GLIS3: variants seen among roughly 807,000 people sequenced by gnomAD.
GLIS3 encodes the protein GLIS family zinc finger 3, also known as zinc finger protein GLIS3.
Under a neutral mutation model 78.6 loss-of-function variants are expected in GLIS3, and 53 were observed. The observed-to-expected ratio is 0.67, with a 90% CI of 0.54 to 0.85. The LOEUF (loss-of-function observed/expected upper bound fraction) is 0.85, where lower values mean the gene tolerates loss of function less well. Ranked by LOEUF, GLIS3 falls within the 40% of genes least tolerant of loss-of-function variation. The probability of loss-of-function intolerance (pLI) is 0.00; values close to 1 mark genes in which losing one functional copy is unlikely to be tolerated. For synonymous variants in GLIS3, 684 were observed against 509.9 expected (o/e 1.34, Z -4.60); for missense variants, 1,703 against 1,231.1 (o/e 1.38, Z -5.74).
intron 2 of GLIS3, among the ~76,000 whole-genome samples, chr9:4,333,378 GAAGGGA>G (rs1283121516): frequency 1.3e-5 from 2 of 151,836 alleles, no homozygotes; most frequent in African/African-American, 2.4e-5. Context: ...GGGAAGAAAG[GAAGGGA>G]GAGAGGGAAA....
Position 4,328,995 on chromosome 9 carries a change from C to T in GLIS3, n.264+18086G>A, listed in dbSNP as rs575349447. 4.5e-4 allele frequency among the ~76,000 whole-genome samples: 68 copies of T among 152,310 alleles called. No individual in the cohort carries two copies. The South Asian group carries it at 0.014, about 31-fold the overall frequency. On this transcript the variant is annotated intron_variant and non_coding_transcript_variant, in intron 2 of 4. Coordinates refer to the GLIS3 transcript ENST00000471664. ...CTTGAGGTGAGTGTAGGTGCACCAA[C>T]AGCATTTGTTACAAAAGGCTTAGGA...
the GLIS3 span, among the ~76,000 whole-genome samples, chr9:4,486,087 A>T: frequency 4.6e-5 from 7 of 152,196 alleles, 1 homozygote; most frequent in Non-Finnish European, 8.8e-5. Flanking sequence ...TGAAATTTTT[A>T]AAATCTTTTA....
intron 2 of GLIS3, among the ~76,000 whole-genome samples, chr9:4,274,744 G>C (rs1179523404): frequency 1.3e-5 from 2 of 152,190 alleles, no homozygotes; most frequent in African/African-American, 4.8e-5. Context: ...CCTGTGCAGT[G>C]ACTGCTCACA....
the GLIS3 span, among the ~76,000 whole-genome samples, chr9:4,431,056 A>G: frequency 6.6e-6 from 1 of 152,216 alleles, no homozygotes; most frequent in Non-Finnish European, 1.5e-5. Flanking sequence ...CCAACCAAGT[A>G]TATGGATCAG....
chr9:4,473,034 C>T, the GLIS3 span, among the ~76,000 whole-genome samples: 1 of 152,142 alleles, frequency 6.6e-6, no homozygotes, highest in East Asian at 1.9e-4. Context: ...GGAATCACCA[C>T]ACTGCTTTCC....
At chr9:3,967,916 T>C (rs181169580) in intron 4 of GLIS3, among the ~76,000 whole-genome samples, 1 of 152,346 alleles carries the variant, frequency 6.6e-6, no homozygotes, top group Non-Finnish European at 1.5e-5. Flanking sequence ...GAAAATACTT[T>C]GTGCATTGTT....
chr9:4,075,793 T>A (rs547090316), intron 4 of GLIS3, among the ~76,000 whole-genome samples: 12 of 152,120 alleles, frequency 7.9e-5, no homozygotes, highest in Admixed American at 2.6e-4. Context: ...AGGAACTACT[T>A]AACCATGCAG....
At chr9:4,044,376 C>T (rs944765386) in intron 4 of GLIS3, among the ~76,000 whole-genome samples, 1 of 152,192 alleles carries the variant, frequency 6.6e-6, no homozygotes, top group African/African-American at 2.4e-5. Flanking sequence ...AGCACGTCAA[C>T]ATTTGTTTTC....
At chr9:4,257,591 T>TC (rs2129965527) in intron 2 of GLIS3, among the ~76,000 whole-genome samples, 1 of 27,260 alleles carries the variant, frequency 3.7e-5, no homozygotes, top group African/African-American at 1.0e-4. Context: ...TGTTATTTTT[T>TC]GAGACGGAGT....
the GLIS3 span, among the ~76,000 whole-genome samples, chr9:4,477,427 T>C: frequency 6.6e-6 from 1 of 151,858 alleles, no homozygotes; most frequent in African/African-American, 2.4e-5. Flanking sequence ...GCTGGGTTTT[T>C]TTTTGAGATA....
At chr9:3,894,992 G>C (rs1183541783) in intron 7 of GLIS3, among the ~76,000 whole-genome samples, 9 of 152,108 alleles carry the variant, frequency 5.9e-5, no homozygotes, top group Non-Finnish European at 1.2e-4. Context: ...TGAATCTGTA[G>C]TACAGCTTCG....
chr9:4,473,458 A>C, the GLIS3 span, among the ~76,000 whole-genome samples: 1 of 147,292 alleles, frequency 6.8e-6, no homozygotes, highest in African/African-American at 2.5e-5. Flanking sequence ...CAACAACAAC[A>C]ACAAAAAAAA....
chr9:4,216,031 A>G (rs2131313878), intron 2 of GLIS3, among the ~76,000 whole-genome samples: 1 of 152,256 alleles, frequency 6.6e-6, no homozygotes, highest in East Asian at 1.9e-4. Flanking sequence ...GGCCTTCCTA[A>G]TGTTTGAGAA....
At chr9:4,458,372 CA>C in the GLIS3 span, among the ~76,000 whole-genome samples, 1 of 152,104 alleles carries the variant, frequency 6.6e-6, no homozygotes, top group African/African-American at 2.4e-5. Flanking sequence ...AAATAATGAA[CA>C]AATGTACAAA....
chr9:4,351,185 G>C (rs1034117579), upstream of GLIS3, among the ~76,000 whole-genome samples: 3 of 152,152 alleles, frequency 2.0e-5, no homozygotes, highest in African/African-American at 7.2e-5. Context: ...GGAGGTTGCA[G>C]TGAGCCAAGA....
At position 4,265,073 on chromosome 9, in the gene GLIS3, G is replaced by C. The variant is rs143221635; in HGVS notation, c.388+20965C>G. Among the ~76,000 whole-genome samples the C allele has an allele frequency of 6.5e-3, 980 of 151,300 alleles. 10 individuals are homozygous for C. The highest frequency in any genetic ancestry group is 0.022 in the African/African-American group (887 of 41,200). On this transcript the variant is annotated intron_variant, in intron 2 of 10. Coordinates refer to ENST00000381971, the MANE Select transcript of GLIS3 (RefSeq NM_001042413.2). Reference sequence around the variant, plus strand: ...TGTATTCCCAGCTACTCGGGAGGCTGAGGCAGGAGAATGGCGTGAACCTGG... The same window carrying C: ...TGTATTCCCAGCTACTCGGGAGGCTCAGGCAGGAGAATGGCGTGAACCTGG...
At chr9:4,377,719 G>C in the GLIS3 span, among the ~76,000 whole-genome samples, 3 of 152,054 alleles carry the variant, frequency 2.0e-5, no homozygotes. Flanking sequence ...TTGTTATATA[G>C]TATAAGATGC....
the GLIS3 span, among the ~76,000 whole-genome samples, chr9:4,485,482 T>A: frequency 6.6e-6 from 1 of 152,154 alleles, no homozygotes; most frequent in African/African-American, 2.4e-5. Context: ...ACCAGCAGCA[T>A]CTGTTCCCTA....
At chr9:3,899,879 G>A (rs1476492908) in intron 6 of GLIS3, among the ~76,000 whole-genome samples, 1 of 152,204 alleles carries the variant, frequency 6.6e-6, no homozygotes, top group Non-Finnish European at 1.5e-5. Context: ...TAAATGCTAT[G>A]GAGAAAAGTG....
Sources: gnomAD v4.1 joint callset for allele counts (sites outside exome capture counted in the v4.1 genomes callset) on GRCh38, gnomAD v4.1.1 for gene constraint, MANE v1.5 for transcripts, NCBI Gene and HGNC (gene_info 2026-07-23, HGNC 2026-07-21) for gene names.